PLXNA2: variants seen among roughly 807,000 people sequenced by gnomAD.
PLXNA2 encodes the protein plexin A2.
PLXNA2 carries 91 observed loss-of-function variants against 193.5 expected under a neutral mutation model. The ratio of observed to expected loss-of-function variants is 0.47; its 90% confidence interval spans 0.40 to 0.56. The LOEUF (loss-of-function observed/expected upper bound fraction) is 0.56, where lower values mean the gene tolerates loss of function less well. Among genes scored for constraint, PLXNA2 ranks in the 20% least tolerant of loss-of-function variants. The pLI is 0.00. For synonymous variants in PLXNA2, 997 were observed against 1,027.3 expected (o/e 0.97, Z 0.56); for missense variants, 1,995 against 2,503.2 (o/e 0.80, Z 4.33).
chr1:208,170,169 G>A (rs533992335), intron 3 of PLXNA2, among the ~76,000 whole-genome samples: 1 of 152,292 alleles, frequency 6.6e-6, no homozygotes, highest in African/African-American at 2.4e-5. Context: ...TAAGTCAAAT[G>A]ATTTTCTTTC....
At chr1:208,240,965 GA>G (rs1672032575) in intron 1 of PLXNA2, among the ~76,000 whole-genome samples, 2 of 152,154 alleles carry the variant, frequency 1.3e-5, no homozygotes, top group African/African-American at 4.8e-5. Flanking sequence ...GGCAATCATA[GA>G]AAATGAGGTA....
At chr1:208,195,817 G>A (rs548133399) in intron 3 of PLXNA2, among the ~76,000 whole-genome samples, 1 of 151,820 alleles carries the variant, frequency 6.6e-6, no homozygotes, top group Non-Finnish European at 1.5e-5. Flanking sequence ...ATGGTGGGGG[G>A]AGGTTGGGCA....
chr1:208,059,534 C>T (rs1477375314), intron 13 of PLXNA2, among the ~76,000 whole-genome samples: 3 of 152,132 alleles, frequency 2.0e-5, no homozygotes, highest in Admixed American at 1.3e-4. Flanking sequence ...CACACTGATT[C>T]GTGGAATTTC....
intron 4 of PLXNA2, among the ~76,000 whole-genome samples, chr1:208,134,551 T>G (rs2102471694): frequency 6.6e-6 from 1 of 152,300 alleles, no homozygotes; most frequent in South Asian, 2.1e-4. Context: ...AGCAATTCGC[T>G]TATCCTCACT....
At chr1:208,113,922 G>A (rs917871773) in intron 4 of PLXNA2, among the ~76,000 whole-genome samples, 1 of 152,150 alleles carries the variant, frequency 6.6e-6, no homozygotes, top group African/African-American at 2.4e-5. Flanking sequence ...GGTTTGGAGT[G>A]GAAATCATCA....
chr1:208,122,179 T>G (rs916907544), intron 4 of PLXNA2, among the ~76,000 whole-genome samples: 1 of 152,184 alleles, frequency 6.6e-6, no homozygotes, highest in African/African-American at 2.4e-5. Flanking sequence ...CACACAGATA[T>G]CACCCATAAA....
At chr1:208,223,475 G>A (rs1273005638) in intron 1 of PLXNA2, among the ~76,000 whole-genome samples, 1 of 152,214 alleles carries the variant, frequency 6.6e-6, no homozygotes, top group African/African-American at 2.4e-5. Flanking sequence ...GCAGAAGTGA[G>A]TGTGGCATTG....
chr1:208,126,502 G>GA lies in PLXNA2; in HGVS notation c.1506+15826dup, dbSNP rs539477223. ...TAAAAAGATGTTCAATTTGTTTGTT[G>GA]AATGTTTGCTGTGTTCTAGGCACTA... On this transcript the variant is annotated intron_variant, in intron 4 of 31. Transcript: ENST00000367033. Among the ~76,000 whole-genome samples the GA allele has an allele frequency of 1.2e-3, 187 of 152,304 alleles. 2 individuals are homozygous for GA. Among genetic ancestry groups the GA allele is most frequent in the African/African-American group, 4.5e-3 (185 of 41,564 alleles).
chr1:208,088,506 A>G (rs1056778064), intron 9 of PLXNA2, among the ~76,000 whole-genome samples: 1 of 152,276 alleles, frequency 6.6e-6, no homozygotes, highest in African/African-American at 2.4e-5. Context: ...TGGCTTAGCC[A>G]TGGAGGGAGA....
At chr1:208,109,616 A>G (rs940166429) in intron 4 of PLXNA2, among the ~76,000 whole-genome samples, 2 of 152,184 alleles carry the variant, frequency 1.3e-5, no homozygotes, top group African/African-American at 4.8e-5. Context: ...TTTTCACTGG[A>G]TCTACTGAGA....
chr1:208,121,936 A>T (rs191704258), intron 4 of PLXNA2, among the ~76,000 whole-genome samples: 3 of 152,058 alleles, frequency 2.0e-5, no homozygotes, highest in African/African-American at 7.2e-5. Context: ...TACTCCATAC[A>T]CACATTCATG....
chr1:208,146,567 G>A (rs1489568628), intron 3 of PLXNA2, among the ~76,000 whole-genome samples: 2 of 152,150 alleles, frequency 1.3e-5, no homozygotes, highest in Non-Finnish European at 2.9e-5. Flanking sequence ...CTCTGTCTTG[G>A]ATAGGAAATT....
rs917651516 is a variant in PLXNA2 at position 208,217,884 on chromosome 1, C to T, written c.39G>A (p.Val13=). The change falls in exon 2 of 32, where the codon GTG becomes GTA. Residue 13 remains valine (V), a synonymous_variant. Coordinates refer to ENST00000367033, the MANE Select transcript of PLXNA2 (RefSeq NM_025179.4). The surrounding 1 kb of genome is among the most constrained non-coding windows in gnomAD (Gnocchi z 4.7). ...QRRPWPRALE[V]DSRSVVLLSV... ...AGAGCAGGACCACAGAGCGGCTGTC[C>T]ACCTCCAGGGCCCGGGGCCAGGGCC... 21 of 1,612,368 alleles carry T rather than the reference C, an allele frequency of 1.3e-5. No homozygotes were observed. The highest frequency in any genetic ancestry group is 1.6e-5 in the Non-Finnish European group (19 of 1,179,890).
In PLXNA2 at chr1:208,142,443, G is replaced by T. The variant is rs201332379; in HGVS notation, c.1392C>A (p.Pro464=). 6.2e-7 allele frequency: 1 copy of T among 1,611,178 alleles called. No individual in the cohort carries two copies. Among genetic ancestry groups the T allele is most frequent in the East Asian group, 2.2e-5 (1 of 44,836 alleles). The change falls in exon 4 of 32, where the codon CCC becomes CCA. Residue 464 remains proline, a synonymous_variant. Coordinates refer to ENST00000367033, the MANE Select transcript of PLXNA2 (RefSeq NM_025179.4). ...CCATCTCGTACTGGACCCCACCATGGGGGGGACCGTCGGCCCGAATCTGTA... is the reference window on the plus strand; with the variant it reads ...CCATCTCGTACTGGACCCCACCATGTGGGGGACCGTCGGCCCGAATCTGTA... ...KLKKIRADGP[P]HGGVQYEMVS...
intron 4 of PLXNA2, among the ~76,000 whole-genome samples, chr1:208,104,788 T>TCAGC (rs1396041937): frequency 1.3e-5 from 2 of 152,140 alleles, no homozygotes; most frequent in Non-Finnish European, 2.9e-5. Context: ...AGTGACATGA[T>TCAGC]CAGCTTTAAA....
intron 3 of PLXNA2, among the ~76,000 whole-genome samples, chr1:208,177,907 T>G (rs939962605): frequency 2.6e-5 from 4 of 152,268 alleles, no homozygotes; most frequent in Admixed American, 2.0e-4. Flanking sequence ...TGAGAATCAC[T>G]GGGCTAGACT....
At chr1:208,097,824 C>T (rs997877241) in intron 6 of PLXNA2, among the ~76,000 whole-genome samples, 4 of 151,558 alleles carry the variant, frequency 2.6e-5, no homozygotes, top group Admixed American at 6.6e-5. Context: ...TCGGTGGCCT[C>T]CAAGCTGAGG....
intron 3 of PLXNA2, among the ~76,000 whole-genome samples, chr1:208,171,094 G>A (rs553816492): frequency 6.6e-6 from 1 of 152,324 alleles, no homozygotes; most frequent in East Asian, 1.9e-4. Flanking sequence ...ATCTGAACCA[G>A]GGGACATAGA....
At chr1:208,074,215 C>T (rs767342475) in intron 12 of PLXNA2, among the ~76,000 whole-genome samples, 1 of 152,206 alleles carries the variant, frequency 6.6e-6, no homozygotes, top group Non-Finnish European at 1.5e-5. Context: ...CCTTTCCAGT[C>T]TGTGGCTCCT....
Sources: allele counts gnomAD v4.1 joint callset (sites outside exome capture counted in the v4.1 genomes callset), GRCh38; gene constraint gnomAD v4.1.1; non-coding constraint Gnocchi (gnomAD v3.1); transcripts MANE v1.5; gene names NCBI Gene and HGNC (gene_info 2026-07-23, HGNC 2026-07-21).